WWP1: variants seen among roughly 807,000 people sequenced by gnomAD.
WWP1 encodes the protein WW domain containing E3 ubiquitin protein ligase 1, also known as NEDD4-like E3 ubiquitin-protein ligase WWP1.
WWP1 carries 49 observed loss-of-function variants against 130.6 expected under a neutral mutation model. The observed-to-expected ratio is 0.38, with a 90% CI of 0.30 to 0.48. The LOEUF is 0.48. Ranked by LOEUF, WWP1 falls within the 20% of genes least tolerant of loss-of-function variation. The pLI, the probability that WWP1 is intolerant of heterozygous loss-of-function variation, is 0.99. For missense variants in WWP1, 809 were observed against 1,100.6 expected, an observed-to-expected ratio of 0.74 and a Z score of 3.75; for synonymous variants, 332 against 367.8, an observed-to-expected ratio of 0.90 and a Z score of 1.11.
intron 17 of WWP1, among the ~76,000 whole-genome samples, chr8:86,441,722 CT>C (rs1356184294): frequency 1.3e-5 from 2 of 152,172 alleles, no homozygotes; most frequent in African/African-American, 4.8e-5. Context: ...AGAAATTCTT[CT>C]TCCTTAAAAC....
intron 22 of WWP1, 62 bp from the exon 23 acceptor site, chr8:86,461,162 C>A: frequency 7.1e-7 from 1 of 1,415,632 alleles, no homozygotes. Context: ...CAAGTGTCTA[C>A]TACTTTCATG....
chr8:86,367,834 G>A (rs1186392215), intron 1 of WWP1, among the ~76,000 whole-genome samples: 1 of 152,172 alleles, frequency 6.6e-6, no homozygotes, highest in Non-Finnish European at 1.5e-5. Context: ...CTTGTGATAA[G>A]CACAGTATTA....
At chr8:86,384,892 C>A (rs1825190017) in intron 5 of WWP1, among the ~76,000 whole-genome samples, 1 of 152,012 alleles carries the variant, frequency 6.6e-6, no homozygotes, top group South Asian at 2.1e-4. Flanking sequence ...ATTAGCCAGG[C>A]ATGTGCCTGT....
At chr8:86,356,449 AT>A (rs930694055) in intron 1 of WWP1, among the ~76,000 whole-genome samples, 34 of 149,700 alleles carry the variant, frequency 2.3e-4, no homozygotes, top group African/African-American at 2.7e-4. Flanking sequence ...TTATATATAT[AT>A]TTTTTTTTAC....
At chr8:86,354,861 G>A (rs1332413714) in intron 1 of WWP1, among the ~76,000 whole-genome samples, 1 of 151,998 alleles carries the variant, frequency 6.6e-6, no homozygotes, top group Non-Finnish European at 1.5e-5. Flanking sequence ...GATGGGGTTA[G>A]GAAATTAACT....
chr8:86,386,336 G>T (rs1280843354), intron 5 of WWP1, among the ~76,000 whole-genome samples: 2 of 152,136 alleles, frequency 1.3e-5, no homozygotes, highest in Non-Finnish European at 2.9e-5. Context: ...TTGAGGCCCA[G>T]AGTTCAAGGC....
At chr8:86,361,979 TATATATATATATAC>T (rs1823633610) in intron 1 of WWP1, among the ~76,000 whole-genome samples, 1 of 113,160 alleles carries the variant, frequency 8.8e-6, no homozygotes, top group Admixed American at 8.6e-5. Flanking sequence ...TGTGTGTATA[TATATATATATATAC>T]ATATATATAC....
In WWP1 at chr8:86,427,635, T is replaced by G. The variant is rs1809707389; in HGVS notation, c.1158-8T>G. The G allele has an allele frequency of 1.9e-6, 3 of 1,592,456 alleles. No homozygotes were observed. The highest frequency in any genetic ancestry group is 2.6e-6 in the Non-Finnish European group (3 of 1,166,990). On this transcript the variant is annotated splice_polypyrimidine_tract_variant and splice_region_variant and intron_variant, in intron 10 of 24. Transcript: ENST00000517970. The stretch of plus-strand genomic sequence containing the variant: ...AGATTATTGTTTATTATTGTTTACT[T>G]GTGGTAGTTGGGAAAGAAGAGTTGA...
At chr8:86,392,393 C>T (rs1807396997) in intron 5 of WWP1, among the ~76,000 whole-genome samples, 1 of 152,144 alleles carries the variant, frequency 6.6e-6, no homozygotes, top group African/African-American at 2.4e-5. Context: ...TTTAAATATT[C>T]CAGAGAGGAG....
chr8:86,447,381 C>T (rs547719306), intron 18 of WWP1, among the ~76,000 whole-genome samples: 3 of 152,258 alleles, frequency 2.0e-5, no homozygotes, highest in Admixed American at 6.5e-5. Context: ...ATTCTCCTGC[C>T]TCATCTTCCT....
chr8:86,402,774 C>CA, intron 8 of WWP1, among the ~76,000 whole-genome samples: 2 of 152,052 alleles, frequency 1.3e-5, no homozygotes, highest in Non-Finnish European at 2.9e-5. Flanking sequence ...AGCTTTGCCA[C>CA]AAAAAATACT....
chr8:86,349,696 A>T (rs1822805999), intron 1 of WWP1, among the ~76,000 whole-genome samples: 2 of 152,028 alleles, frequency 1.3e-5, no homozygotes, highest in South Asian at 4.1e-4. Context: ...AAAGAGGAGA[A>T]CATTTGTGGC....
At chr8:86,406,225 G>A (rs1031917121) in intron 8 of WWP1, among the ~76,000 whole-genome samples, 5 of 152,120 alleles carry the variant, frequency 3.3e-5, no homozygotes, top group South Asian at 2.1e-4. Flanking sequence ...GATAATATGC[G>A]ACTACCTTAT....
intron 5 of WWP1, among the ~76,000 whole-genome samples, chr8:86,392,453 T>C (rs1253636336): frequency 6.6e-6 from 1 of 152,202 alleles, no homozygotes; most frequent in Non-Finnish European, 1.5e-5. Context: ...GTTTTTTATT[T>C]ATTTTATTTT....
chr8:86,363,899 T>C (rs901726976), intron 1 of WWP1, among the ~76,000 whole-genome samples: 5 of 151,946 alleles, frequency 3.3e-5, no homozygotes, highest in African/African-American at 1.2e-4. Context: ...GTCACTAAAA[T>C]GACAAAAGTA....
chr8:86,461,616 G>C, intron 23 of WWP1, 158 bp from the exon 24 acceptor site: 2 of 665,090 alleles, frequency 3.0e-6, no homozygotes, highest in East Asian at 5.3e-5. Flanking sequence ...CTGGATCTCT[G>C]CAACAATTTT....
At chr8:86,415,487 G>T (rs1167437305) in intron 9 of WWP1, among the ~76,000 whole-genome samples, 2 of 152,046 alleles carry the variant, frequency 1.3e-5, no homozygotes, top group Admixed American at 1.3e-4. Context: ...CAACACTTCA[G>T]CTTGCAAATC....
At chr8:86,362,075 C>CATAT (rs1823668551) in intron 1 of WWP1, among the ~76,000 whole-genome samples, 3 of 137,684 alleles carry the variant, frequency 2.2e-5, no homozygotes, top group African/African-American at 8.5e-5. Context: ...TATATATACA[C>CATAT]ATATATACAC....
intron 1 of WWP1, among the ~76,000 whole-genome samples, chr8:86,347,348 A>G (rs1040117027): frequency 2.6e-5 from 4 of 152,084 alleles, no homozygotes; most frequent in Admixed American, 1.3e-4. Context: ...TTAAATTTCC[A>G]AAGTATGTGG....
Sources: allele counts gnomAD v4.1 joint callset (sites outside exome capture counted in the v4.1 genomes callset), GRCh38; gene constraint gnomAD v4.1.1; transcripts MANE v1.5; gene names NCBI Gene and HGNC (gene_info 2026-07-23, HGNC 2026-07-21).